Variants in ARK2C observed in about 807,000 individuals in gnomAD.
The protein encoded by ARK2C is arkadia (RNF111) C-terminal like ring finger ubiquitin ligase 2C, also known as E3 ubiquitin-protein ligase ARK2C.
chr18:46,428,266 G>A, the ARK2C span, among the ~76,000 whole-genome samples: 1 of 152,138 alleles, frequency 6.6e-6, no homozygotes, highest in South Asian at 2.1e-4. Context: ...AAAATTAGCT[G>A]GGTGTGGTGG....
chr18:46,447,981 C>A, the ARK2C span, among the ~76,000 whole-genome samples: 53 of 150,122 alleles, frequency 3.5e-4, no homozygotes, highest in Middle Eastern at 7.2e-3. Flanking sequence ...CTCCCCTGTG[C>A]CCTGGCCCCC....
chr18:46,459,649 T>G, the ARK2C span: 1 of 152,568 alleles, frequency 6.6e-6, no homozygotes, highest in South Asian at 2.1e-4. Context: ...GATGGGGTGC[T>G]CAGAACCCTG....
chr18:46,334,539 G>C, the ARK2C span: 1 of 491,108 alleles, frequency 2.0e-6, no homozygotes, highest in Non-Finnish European at 3.5e-6. The surrounding 1 kb of genome is among the most constrained non-coding windows in gnomAD (Gnocchi z 4.4). Context: ...GTGAAGTTAG[G>C]GTTTGGCGAA....
the ARK2C span, among the ~76,000 whole-genome samples, chr18:46,348,115 C>T: frequency 6.6e-6 from 1 of 151,898 alleles, no homozygotes; most frequent in African/African-American, 2.4e-5. Flanking sequence ...TTCTCTTAGC[C>T]TGCGGCAGAC....
At chr18:46,377,433 G>A in the ARK2C span, among the ~76,000 whole-genome samples, 1 of 152,160 alleles carries the variant, frequency 6.6e-6, no homozygotes, top group Non-Finnish European at 1.5e-5. Flanking sequence ...CTCCCTAATG[G>A]CTCTGTGTGG....
the ARK2C span, among the ~76,000 whole-genome samples, chr18:46,441,786 G>T: frequency 6.7e-6 from 1 of 149,280 alleles, no homozygotes. Context: ...TACTCGGGAG[G>T]CTGAGGCAGG....
At chr18:46,405,551 A>G in the ARK2C span, among the ~76,000 whole-genome samples, 1 of 152,094 alleles carries the variant, frequency 6.6e-6, no homozygotes, top group Admixed American at 6.5e-5. Context: ...GAAAGGTTGG[A>G]GAGAGAGGGC....
the ARK2C span, among the ~76,000 whole-genome samples, chr18:46,374,791 C>T: frequency 2.0e-5 from 3 of 152,148 alleles, no homozygotes; most frequent in Non-Finnish European, 4.4e-5. Context: ...GACCCTACAC[C>T]CCAAGCCTGG....
the ARK2C span, chr18:46,336,877 T>C: frequency 1.0e-6 from 1 of 985,348 alleles, no homozygotes; most frequent in Non-Finnish European, 1.2e-6. Flanking sequence ...ATGTTAAACA[T>C]ATGTATTAAA....
chr18:46,357,416 G>A, the ARK2C span, among the ~76,000 whole-genome samples: 11 of 152,206 alleles, frequency 7.2e-5, no homozygotes, highest in Non-Finnish European at 1.5e-4. Flanking sequence ...ATGAAATTGT[G>A]AAAAGTGCTG....
the ARK2C span, among the ~76,000 whole-genome samples, chr18:46,357,985 A>C: frequency 4.1e-4 from 63 of 152,276 alleles, no homozygotes; most frequent in African/African-American, 1.5e-3. Context: ...CTGTTGTCAC[A>C]GTGTCTCAGT....
chr18:46,345,585 A>G, the ARK2C span, among the ~76,000 whole-genome samples: 1 of 152,230 alleles, frequency 6.6e-6, no homozygotes, highest in Non-Finnish European at 1.5e-5. Flanking sequence ...ACGTGTGCGC[A>G]GCAGAGAGCA....
chr18:46,421,656 C>A, the ARK2C span, among the ~76,000 whole-genome samples: 1 of 152,330 alleles, frequency 6.6e-6, no homozygotes, highest in East Asian at 1.9e-4. Flanking sequence ...TATCCTGTCT[C>A]TAACCAAATC....
the ARK2C span, among the ~76,000 whole-genome samples, chr18:46,441,793 CAGG>C: frequency 8.1e-4 from 115 of 141,470 alleles, no homozygotes; most frequent in African/African-American, 3.0e-3. Flanking sequence ...GAGGCTGAGG[CAGG>C]AGAATGGCGT....
At chr18:46,416,849 G>C in the ARK2C span, among the ~76,000 whole-genome samples, 2 of 152,228 alleles carry the variant, frequency 1.3e-5, no homozygotes, top group Non-Finnish European at 2.9e-5. Flanking sequence ...TTGAGGCCTG[G>C]GCTCAGAATT....
chr18:46,460,448 TATTTAACAATCATA>T, the ARK2C span: 1 of 152,540 alleles, frequency 6.6e-6, no homozygotes, highest in South Asian at 2.1e-4. Flanking sequence ...AAATGCCTTA[TATTTAACAATCATA>T]ATTTATGACT....
the ARK2C span, chr18:46,433,350 C>T: frequency 6.2e-7 from 1 of 1,612,968 alleles, no homozygotes; most frequent in East Asian, 2.2e-5. Context: ...CCCACCAGCA[C>T]AGCGGCGCCC....
chr18:46,455,957 C>G, the ARK2C span: 8 of 1,546,898 alleles, frequency 5.2e-6, no homozygotes, highest in Non-Finnish European at 7.1e-6. Context: ...GAATACTACT[C>G]TCTCTGCTTC....
chr18:46,387,871 G>A, the ARK2C span, among the ~76,000 whole-genome samples: 1 of 152,240 alleles, frequency 6.6e-6, no homozygotes, highest in African/African-American at 2.4e-5. Flanking sequence ...GCAGGGCAAC[G>A]CAGGCTGCCA....
Sources: gnomAD v4.1 joint callset for allele counts (sites outside exome capture counted in the v4.1 genomes callset) on GRCh38, gnomAD v4.1.1 for gene constraint, Gnocchi (gnomAD v3.1) non-coding constraint, MANE v1.5 for transcripts, NCBI Gene and HGNC (gene_info 2026-07-23, HGNC 2026-07-21) for gene names.